The following CST2 variants were observed in gnomAD, a reference collection of about 807,000 sequenced individuals.
CST2 encodes cystatin-SA.
In CST2, 26 loss-of-function variants were observed where a neutral mutation model predicts 13.4. That is an observed-to-expected ratio of 1.95 (90% CI 1.43 to 2.70). CST2 has a LOEUF of 2.70. Among genes scored for constraint, CST2 ranks in the 30% most tolerant of loss-of-function variants. CST2 has a pLI of 0.00. For synonymous variants in CST2, 105 were observed against 71.1 expected, an observed-to-expected ratio of 1.48 and a Z score of -2.40; for missense variants, 243 against 173.4, an observed-to-expected ratio of 1.40 and a Z score of -2.25.
chr20:23,825,963 G>T (rs1487569634), intron 1 of CST2, among the ~76,000 whole-genome samples: 1 of 152,186 alleles, frequency 6.6e-6, no homozygotes, highest in Non-Finnish European at 1.5e-5. Context: ...TCCTCATCTG[G>T]CTGAGGTCTA....
At chr20:23,825,898 C>G (rs929424058) in intron 1 of CST2, among the ~76,000 whole-genome samples, 1 of 152,182 alleles carries the variant, frequency 6.6e-6, no homozygotes, top group Admixed American at 6.5e-5. Flanking sequence ...CCCAATAGCC[C>G]TTCTGAAGCT....
chr20:23,824,020 C>T lies in CST2; in HGVS notation c.426G>A (p.Ter142=), dbSNP rs1217693050. The T allele has an allele frequency of 1.2e-6, 2 of 1,613,924 alleles. No homozygotes were observed. The highest frequency in any genetic ancestry group is 1.7e-6 in the Non-Finnish European group (2 of 1,179,930). The part of the protein sequence containing the change: ...SLVNSRCQEA[*] ...CAGTGTGACTCCCTGGCACAGATCC[C>T]TAGGCTTCTTGACACCTGGAATTCA... The change falls in exon 3 of 3, where the codon TAG becomes TAA. Residue 142 remains the stop codon, a stop_retained_variant. Coordinates refer to ENST00000304725, the MANE Select transcript of CST2 (RefSeq NM_001322.3).
At chr20:23,826,332 G>T in intron 1 of CST2, 101 bp downstream of exon 1, 2 of 933,224 alleles carry the variant, frequency 2.1e-6, no homozygotes, top group South Asian at 1.5e-5. Flanking sequence ...CTGAGCATTA[G>T]ATCATGAATG....
Position 23,826,501 on chromosome 20 carries a change from C to T in CST2, c.160G>A (p.Glu54Lys), listed in dbSNP as rs541427772. The T allele has an allele frequency of 6.1e-5, 99 of 1,614,048 alleles. No individual in the cohort carries two copies. The highest frequency in any genetic ancestry group is 8.0e-5 in the Non-Finnish European group (94 of 1,180,022). Residue 54 changes from glutamate to lysine, a missense_variant, in exon 1 of 3, where the codon GAG becomes AAG. By Grantham distance (56) the Glu-to-Lys change is moderately conservative. Transcript: ENST00000304725. Reference sequence around the variant, plus strand: ...TCATCTTCAGTGGCCTTGTTATACTCGCTGATGACAAAGTGAAGGGCACGC... The same window carrying T: ...TCATCTTCAGTGGCCTTGTTATACTTGCTGATGACAAAGTGAAGGGCACGC... Reference protein sequence around the residue: ...VQRALHFVISEYNKATEDEYY... With the variant: ...VQRALHFVISKYNKATEDEYY...
In CST2 at chr20:23,824,090, G is replaced by T; in HGVS notation, c.356C>A (p.Ser119Tyr). The change falls in exon 3 of 3, where the codon TCT becomes TAT. Residue 119 changes from serine to tyrosine, a missense_variant. Ser to Tyr is a moderately radical substitution (Grantham distance 144). Coordinates refer to ENST00000304725, the MANE Select transcript of CST2 (RefSeq NM_001322.3). ...QPELQKKQLC[S>Y]FQIYEVPWED... ...CCAGGGAACTTCGTAGATCTGGAAA[G>T]AGCACAACTGTTTCTGTGAAAGGGA... 6.2e-7 allele frequency: 1 copy of T among 1,614,048 alleles called. No homozygotes were observed. Among genetic ancestry groups the T allele is most frequent in the Non-Finnish European group, 8.5e-7 (1 of 1,179,942 alleles).
chr20:23,826,557 T>C lies in CST2; in HGVS notation c.104A>G (p.Tyr35Cys), dbSNP rs761815907. Residue 35 changes from tyrosine to cysteine, a missense_variant, in exon 1 of 3, where the codon TAT becomes TGT. Tyr to Cys is a radical substitution (Grantham distance 194). Transcript: ENST00000304725. ...CCGCTCATCATTGAGGTCTGCATCA[T>C]AGATGCCACCCTCGATTATCCTGTC... ...EEDRIIEGGI[Y>C]DADLNDERVQ... The C allele has an allele frequency of 9.3e-6, 15 of 1,614,024 alleles. No homozygotes were observed. The Admixed American group carries it at 1.2e-4, about 13-fold the overall frequency.
At chr20:23,826,007 G>C (rs879376581) in intron 1 of CST2, among the ~76,000 whole-genome samples, 1 of 152,202 alleles carries the variant, frequency 6.6e-6, no homozygotes, top group Non-Finnish European at 1.5e-5. Context: ...AGGGTCAGGC[G>C]TGCTCCACCC....
intron 2 of CST2, 126 bp from the exon 3 acceptor site, chr20:23,824,229 T>A (rs1984755902): frequency 1.1e-6 from 1 of 889,148 alleles, no homozygotes. Context: ...CACCCACCCC[T>A]GCTGAGTCCC....
intron 1 of CST2, among the ~76,000 whole-genome samples, chr20:23,825,715 G>A (rs1424894489): frequency 6.6e-6 from 1 of 152,186 alleles, no homozygotes; most frequent in Non-Finnish European, 1.5e-5. Context: ...GGCAAGCGGG[G>A]ACCATGGCAC....
rs753564573 is a variant in CST2 at position 23,826,631 on chromosome 20, G to T, written c.30C>A (p.Leu10=). The T allele has an allele frequency of 1.4e-5, 23 of 1,610,436 alleles. No homozygotes were observed. The highest frequency in any genetic ancestry group is 2.0e-5 in the Non-Finnish European group (23 of 1,178,862). Residue 10 remains leucine, a synonymous_variant, in exon 1 of 3, where the codon CTC becomes CTA. Transcript: ENST00000304725. MAWPLCTLL[L]LLATQAVALA... Reference sequence around the variant, plus strand: ...GGGCCACAGCCTGGGTGGCCAGCAGGAGCAGCAGGGTGCACAGGGGCCAGG... The same window carrying T: ...GGGCCACAGCCTGGGTGGCCAGCAGTAGCAGCAGGGTGCACAGGGGCCAGG...
chr20:23,825,145 G>A, intron 2 of CST2, 65 bp downstream of exon 2: 1 of 1,596,340 alleles, frequency 6.3e-7, no homozygotes, highest in Non-Finnish European at 8.6e-7. Context: ...GTGTAGGGCA[G>A]AGACTGACAC....
chr20:23,826,159 T>C (rs932948511), intron 1 of CST2, among the ~76,000 whole-genome samples: 2 of 152,156 alleles, frequency 1.3e-5, no homozygotes, highest in African/African-American at 4.8e-5. Context: ...GAAGTTCCTG[T>C]GTGGCCCCTG....
Position 23,823,873 on chromosome 20 carries a change from C to T in CST2, c.*147G>A. The T allele has an allele frequency of 1.2e-6, 1 of 801,346 alleles. No individual in the cohort carries two copies. The highest frequency in any genetic ancestry group is 1.7e-5 in the South Asian group (1 of 57,576). The allele number at this position is 801,346 out of a possible 1,614,324, so 49.6% of individuals were successfully genotyped here. A position where few individuals can be genotyped will look rare whatever the true frequency, so the allele number is the denominator to read the frequency against. The stretch of plus-strand genomic sequence containing the variant: ...GAGGGCAGAGTCCCCTGCTGAGCAA[C>T]AAAGGCCTCCTGCAGCCTTCTCTGT... On this transcript the variant is annotated 3_prime_UTR_variant, in exon 3 of 3. Transcript: ENST00000304725.
Position 23,826,653 on chromosome 20 carries a change from C to T in CST2, c.8G>A (p.Trp3Ter), listed in dbSNP as rs1444147228. 1.2e-6 allele frequency: 2 copies of T among 1,603,094 alleles called. No individual in the cohort carries two copies. The highest frequency in any genetic ancestry group is 1.7e-6 in the Non-Finnish European group (2 of 1,175,356). Residue 3 changes from tryptophan (W) to a stop codon, truncating the protein, a stop_gained, in exon 1 of 3, where the codon TGG becomes TAG. Transcript: ENST00000304725. LOFTEE classifies it high-confidence loss of function. ...CAGGAGCAGCAGGGTGCACAGGGGC[C>T]AGGCCATGGTCTCCTCGGAGGCAGA... MA[W>*]PLCTLLLLLA...
chr20:23,826,587 T>G lies in CST2; in HGVS notation c.74A>C (p.Glu25Ala), dbSNP rs200650068. 1 of 1,613,712 alleles carries G rather than the reference T, an allele frequency of 6.2e-7. No homozygotes were observed. Among genetic ancestry groups the G allele is most frequent in the East Asian group, 2.2e-5 (1 of 44,848 alleles). ...QAVALAWSPQ[E>A]EDRIIEGGIY... ...GCCACCCTCGATTATCCTGTCCTCCTCCTGGGGGCTCCAGGCCAGGGCCAC... is the reference window on the plus strand; with the variant it reads ...GCCACCCTCGATTATCCTGTCCTCCGCCTGGGGGCTCCAGGCCAGGGCCAC... The change falls in exon 1 of 3, where the codon GAG becomes GCG. Residue 25 changes from glutamate (E) to alanine (A), a missense_variant. By Grantham distance (107) the Glu-to-Ala change is moderately radical. Coordinates refer to ENST00000304725, the MANE Select transcript of CST2 (RefSeq NM_001322.3).
chr20:23,824,068 G>C lies in CST2; in HGVS notation c.378C>G (p.Pro126=). 6.2e-7 allele frequency: 1 copy of C among 1,614,108 alleles called. No individual in the cohort carries two copies. The highest frequency in any genetic ancestry group is 1.6e-4 in the Middle Eastern group (1 of 6,062). Residue 126 remains proline (P), a synonymous_variant, in exon 3 of 3, where the codon CCC becomes CCG. Coordinates refer to ENST00000304725, the MANE Select transcript of CST2 (RefSeq NM_001322.3). ...TCACCAGGGACATTCTGTCCTCCCA[G>C]GGAACTTCGTAGATCTGGAAAGAGC... ...QLCSFQIYEV[P]WEDRMSLVNS...
chr20:23,826,455 C>G lies in CST2; in HGVS notation c.206G>C (p.Arg69Pro), dbSNP rs762458988. The change falls in exon 1 of 3, where the codon CGG (arginine) becomes CCG (proline). Residue 69 changes from arginine (R) to proline (P), a missense_variant. By Grantham distance (103) the Arg-to-Pro change is moderately radical (BLOSUM62 -2). Transcript: ENST00000304725. ...TEDEYYRRLL[R>P]VLRAREQIVG... ...CACCTGCTCCCTGGCTCGTAGCACC[C>G]GCAGCAGGCGTCTGTAGTACTCATC... 1 of 1,614,134 alleles carries G rather than the reference C, an allele frequency of 6.2e-7. No individual in the cohort carries two copies.
rs1435860877 is a variant in CST2, at chr20:23,825,278, T to C, written c.274A>G (p.Thr92Ala). 2.5e-6 allele frequency: 4 copies of C among 1,613,994 alleles called. No homozygotes were observed. The highest frequency in any genetic ancestry group is 3.3e-5 in the Admixed American group (2 of 60,004). ...TTGGGCTGGGACTTGGTACATATGG[T>C]TCGGCCCACCTCTATGTCGAAGAAG... is the stretch of plus-strand genomic sequence containing the variant. Reference protein sequence around the residue: ...NYFFDIEVGRTICTKSQPNLD... With the variant: ...NYFFDIEVGRAICTKSQPNLD... The change falls in exon 2 of 3, where the codon ACC becomes GCC. Residue 92 changes from threonine (T) to alanine (A), a missense_variant. Coordinates refer to ENST00000304725, the MANE Select transcript of CST2 (RefSeq NM_001322.3).
rs1035726397 is a variant in CST2 at position 23,826,448 on chromosome 20, T to C, written c.213A>G (p.Leu71=). 4 of 1,613,996 alleles carry C rather than the reference T, an allele frequency of 2.5e-6. No homozygotes were observed. The highest frequency in any genetic ancestry group is 2.7e-5 in the African/African-American group (2 of 74,934). ...CAGCACCCACCTGCTCCCTGGCTCG[T>C]AGCACCCGCAGCAGGCGTCTGTAGT... is the stretch of plus-strand genomic sequence containing the variant. ...DEYYRRLLRV[L]RAREQIVGGV... is the part of the protein sequence containing the mutation. Residue 71 remains leucine (L), a synonymous_variant, in exon 1 of 3, where the codon CTA becomes CTG. Coordinates refer to ENST00000304725, the MANE Select transcript of CST2 (RefSeq NM_001322.3).
Sources: allele counts gnomAD v4.1 joint callset (sites outside exome capture counted in the v4.1 genomes callset), GRCh38; gene constraint gnomAD v4.1.1; transcripts MANE v1.5; gene names NCBI Gene and HGNC (gene_info 2026-07-23, HGNC 2026-07-21).